The following CCDC171 variants were observed in gnomAD, a reference collection of about 807,000 sequenced individuals.
CCDC171 encodes the protein coiled-coil domain containing 171.
In CCDC171, 177 loss-of-function variants were observed where a neutral mutation model predicts 168.2. The ratio of observed to expected loss-of-function variants is 1.05; its 90% CI spans 0.93 to 1.19. The LOEUF (loss-of-function observed/expected upper bound fraction) is 1.19. Ranked by LOEUF, CCDC171 falls within the 50% of genes most tolerant of loss-of-function variation. The pLI is 0.00. For missense variants in CCDC171, 1,991 were observed against 1,539.0 expected, an observed-to-expected ratio of 1.29 and a Z score of -4.91; for synonymous variants, 687 against 540.8, an observed-to-expected ratio of 1.27 and a Z score of -3.75.
chr9:16,082,245 C>T, the CCDC171 span, among the ~76,000 whole-genome samples: 3 of 152,168 alleles, frequency 2.0e-5, no homozygotes, highest in Non-Finnish European at 4.4e-5. Flanking sequence ...TGTCACATCT[C>T]TGTTGACTTG....
chr9:15,855,424 A>G (rs1309669904), intron 23 of CCDC171, among the ~76,000 whole-genome samples: 1 of 151,720 alleles, frequency 6.6e-6, no homozygotes, highest in Non-Finnish European at 1.5e-5. Context: ...CTTTTAACCT[A>G]TTGGTGTCTT....
chr9:15,846,873 C>G, intron 22 of CCDC171, 26 bp downstream of exon 22: 2 of 1,576,440 alleles, frequency 1.3e-6, no homozygotes, highest in Non-Finnish European at 1.7e-6. Context: ...TTGGGGAGAT[C>G]ACTTAAAACA....
At chr9:15,603,701 T>G (rs1428563998) in intron 6 of CCDC171, among the ~76,000 whole-genome samples, 1 of 151,442 alleles carries the variant, frequency 6.6e-6, no homozygotes, top group East Asian at 2.2e-4. Context: ...TGAATAGTGC[T>G]GCAATGAGCA....
At chr9:15,566,914 A>G (rs2039778870) in intron 2 of CCDC171, among the ~76,000 whole-genome samples, 1 of 152,198 alleles carries the variant, frequency 6.6e-6, no homozygotes, top group Non-Finnish European at 1.5e-5. Context: ...CGTTGTTGAT[A>G]AGAGTAACAT....
chr9:15,624,610 G>C (rs568038783), intron 7 of CCDC171, among the ~76,000 whole-genome samples: 1 of 152,162 alleles, frequency 6.6e-6, no homozygotes, highest in East Asian at 1.9e-4. Context: ...ATGGTTTCCA[G>C]CTTCATCCAT....
rs1564250351 is a variant in CCDC171, at chr9:15,705,090, C to CCACACACACACA, written c.1318+9753_1318+9754insCACACACACACA. ...TGCTAATAGATCTTAAGTATCCTTA[C>CCACACACACACA]GACACACACACACACACACACACAC... On this transcript the variant is annotated intron_variant, in intron 11 of 25. Transcript: ENST00000380701. 1.9e-4 allele frequency among the ~76,000 whole-genome samples: 6 copies of CCACACACACACA among 32,246 alleles called. No homozygotes were observed. In the East Asian group the frequency reaches 0.014, roughly 76 times the overall value. The allele number at this position is 32,246 out of a possible 152,430, so 21.2% of individuals were successfully genotyped here.
chr9:16,097,342 T>C, the CCDC171 span, among the ~76,000 whole-genome samples: 1 of 152,202 alleles, frequency 6.6e-6, no homozygotes, highest in Admixed American at 6.5e-5. Context: ...TATGCTAGTG[T>C]CTAAGAGAAA....
At chr9:15,967,235 C>T (rs531958829) in intron 25 of CCDC171, among the ~76,000 whole-genome samples, 6 of 152,190 alleles carry the variant, frequency 3.9e-5, no homozygotes, top group Non-Finnish European at 8.8e-5. Context: ...AAGGGAGCCT[C>T]ACTGTAACAC....
chr9:15,675,767 G>A (rs2049503405), intron 9 of CCDC171, among the ~76,000 whole-genome samples: 1 of 152,068 alleles, frequency 6.6e-6, no homozygotes, highest in African/African-American at 2.4e-5. Flanking sequence ...GGCTTCCCTT[G>A]TTGGTGAACT....
chr9:15,567,667 T>G (rs1425818565), intron 2 of CCDC171, among the ~76,000 whole-genome samples: 1 of 152,126 alleles, frequency 6.6e-6, no homozygotes, highest in Non-Finnish European at 1.5e-5. Flanking sequence ...ACTATTTTTT[T>G]TTTTTGAGAC....
intron 6 of CCDC171, among the ~76,000 whole-genome samples, chr9:16,030,330 T>C (rs1282530274): frequency 2.0e-5 from 3 of 152,216 alleles, no homozygotes; most frequent in Admixed American, 6.5e-5. Context: ...GTGTGTTTTA[T>C]ATGAATGGCA....
intron 24 of CCDC171, among the ~76,000 whole-genome samples, chr9:15,909,117 A>G (rs767323446): frequency 3.9e-5 from 6 of 152,288 alleles, no homozygotes; most frequent in Admixed American, 2.6e-4. Context: ...TTATCCAATC[A>G]TATTTCTTTC....
At chr9:15,599,182 C>G (rs1192033021) in intron 6 of CCDC171, among the ~76,000 whole-genome samples, 1 of 152,090 alleles carries the variant, frequency 6.6e-6, no homozygotes, top group Non-Finnish European at 1.5e-5. Context: ...TGAATTTGAT[C>G]CTGTCATTAT....
intron 1 of CCDC171, among the ~76,000 whole-genome samples, chr9:15,562,832 T>G (rs2039418362): frequency 6.6e-6 from 1 of 152,154 alleles, no homozygotes; most frequent in Non-Finnish European, 1.5e-5. Context: ...GAAGGAAGTT[T>G]CCCTGGGGTC....
chr9:15,600,786 A>G (rs2042784126), intron 6 of CCDC171, among the ~76,000 whole-genome samples: 1 of 152,086 alleles, frequency 6.6e-6, no homozygotes, highest in South Asian at 2.1e-4. Context: ...GGCTCCACCC[A>G]TTTCGAGCTT....
chr9:15,579,095 G>C, intron 4 of CCDC171, 72 bp downstream of exon 4: 1 of 1,204,366 alleles, frequency 8.3e-7, no homozygotes, highest in Non-Finnish European at 1.2e-6. Flanking sequence ...GCTGTTGTGT[G>C]TACATCCCAT....
intron 24 of CCDC171, among the ~76,000 whole-genome samples, chr9:15,912,599 C>T (rs575719587): frequency 6.6e-6 from 1 of 152,224 alleles, no homozygotes; most frequent in African/African-American, 2.4e-5. Context: ...GGTGAGAGGG[C>T]ATCCTTGTCT....
At chr9:15,788,597 T>C (rs1354422454) in intron 21 of CCDC171, among the ~76,000 whole-genome samples, 1 of 151,640 alleles carries the variant, frequency 6.6e-6, no homozygotes, top group African/African-American at 2.4e-5. Context: ...TGTTTTTTTT[T>C]TTTTAAAGAC....
chr9:15,984,480 A>G (rs1259071850), intron 3 of CCDC171, among the ~76,000 whole-genome samples: 3 of 150,864 alleles, frequency 2.0e-5, no homozygotes, highest in Non-Finnish European at 2.9e-5. Flanking sequence ...ATACATATAT[A>G]TGTCATAATT....
Sources: gnomAD v4.1 joint callset for allele counts (sites outside exome capture counted in the v4.1 genomes callset) on GRCh38, gnomAD v4.1.1 for gene constraint, MANE v1.5 for transcripts, NCBI Gene and HGNC (gene_info 2026-07-23, HGNC 2026-07-21) for gene names.